The following PALM2AKAP2 variants were observed in gnomAD, a reference collection of about 807,000 sequenced individuals.
PALM2AKAP2 encodes the protein PALM2-AKAP2 fusion protein.
PALM2AKAP2 carries 37 observed loss-of-function variants against 71.5 expected under a neutral mutation model. The observed-to-expected ratio is 0.52, with a 90% CI of 0.40 to 0.68. The LOEUF (loss-of-function observed/expected upper bound fraction) is 0.68, where lower values mean the gene tolerates loss of function less well. Ranked by LOEUF, PALM2AKAP2 falls within the 30% of genes least tolerant of loss-of-function variation. PALM2AKAP2 has a pLI of 0.00. For synonymous variants in PALM2AKAP2, 468 were observed against 478.8 expected (o/e 0.98, Z 0.29); for missense variants, 1,224 against 1,191.8 (o/e 1.03, Z -0.40).
At chr9:109,851,310 A>G (rs1477669804) in intron 1 of PALM2AKAP2, among the ~76,000 whole-genome samples, 1 of 152,056 alleles carries the variant, frequency 6.6e-6, no homozygotes, top group Admixed American at 6.5e-5. Context: ...GTGCTTTTTG[A>G]TGATCCTCAG....
intron 1 of PALM2AKAP2, among the ~76,000 whole-genome samples, chr9:109,822,582 G>C (rs949825674): frequency 1.3e-5 from 2 of 152,002 alleles, no homozygotes; most frequent in Non-Finnish European, 2.9e-5. Flanking sequence ...TTTGTCCATG[G>C]TATACTCAGT....
intron 1 of PALM2AKAP2, among the ~76,000 whole-genome samples, chr9:110,084,019 C>T (rs569577715): frequency 1.2e-4 from 19 of 152,180 alleles, no homozygotes; most frequent in African/African-American, 1.9e-4. Context: ...CCCAGCTGAC[C>T]GCTGTGCTCC....
upstream of PALM2AKAP2, chr9:109,780,243 A>G (rs1013640440): frequency 6.3e-6 from 7 of 1,108,892 alleles, no homozygotes; most frequent in African/African-American, 1.2e-4. Context: ...GGCGACCGGG[A>G]GATGCAGTGA....
At chr9:109,711,067 G>C (rs965501608) in intron 1 of PALM2AKAP2, among the ~76,000 whole-genome samples, 6 of 152,050 alleles carry the variant, frequency 3.9e-5, no homozygotes, top group Admixed American at 3.9e-4. Flanking sequence ...GATCTCCATA[G>C]GAATTCAAGT....
At chr9:110,028,654 AT>A (rs1476565427) in intron 7 of PALM2AKAP2, among the ~76,000 whole-genome samples, 1 of 151,484 alleles carries the variant, frequency 6.6e-6, no homozygotes, top group Non-Finnish European at 1.5e-5. Context: ...GTGCAGGTTT[AT>A]TTTTTTTTAA....
rs1356214011 is a variant in PALM2AKAP2 at position 109,798,951 on chromosome 9, C to T, written c.45+18418C>T. Reference sequence around the variant, plus strand: ...TCTTTCCACTGCTCCAAGCCACCTGCCCTGCTGCCCTCCGTTTCCCCTCCA... The same window carrying T: ...TCTTTCCACTGCTCCAAGCCACCTGTCCTGCTGCCCTCCGTTTCCCCTCCA... On this transcript the variant is annotated intron_variant, in intron 1 of 9. Transcript: ENST00000302798. 2.6e-5 allele frequency among the ~76,000 whole-genome samples: 4 copies of T among 152,336 alleles called. No individual in the cohort carries two copies. The East Asian group carries it at 5.8e-4, about 22-fold the overall frequency.
At chr9:110,056,225 C>T (rs1023949779) in intron 1 of PALM2AKAP2, among the ~76,000 whole-genome samples, 9 of 152,200 alleles carry the variant, frequency 5.9e-5, no homozygotes, top group African/African-American at 2.2e-4. Flanking sequence ...GGTTAACTGA[C>T]CGTTTTCAGC....
At chr9:109,797,075 A>G (rs1827279800) in intron 1 of PALM2AKAP2, among the ~76,000 whole-genome samples, 1 of 152,098 alleles carries the variant, frequency 6.6e-6, no homozygotes, top group African/African-American at 2.4e-5. Flanking sequence ...CCCTGCTCTG[A>G]TGGTTTCCTC....
At chr9:109,971,668 C>T (rs980536282) in intron 6 of PALM2AKAP2, among the ~76,000 whole-genome samples, 13 of 152,172 alleles carry the variant, frequency 8.5e-5, no homozygotes, top group African/African-American at 2.7e-4. Flanking sequence ...TCAGGCAATC[C>T]GACTGCCTCA....
At chr9:109,710,553 C>T (rs1828217197) in intron 1 of PALM2AKAP2, among the ~76,000 whole-genome samples, 2 of 152,198 alleles carry the variant, frequency 1.3e-5, no homozygotes, top group Admixed American at 1.3e-4. Flanking sequence ...TTTTTTTCAC[C>T]TGCAAGACGG....
chr9:109,932,154 A>G, intron 6 of PALM2AKAP2, 126 bp downstream of exon 6: 1 of 1,074,672 alleles, frequency 9.3e-7, no homozygotes, highest in Non-Finnish European at 1.3e-6. Flanking sequence ...CCAGCCTCAG[A>G]TGCAGCCTTC....
At chr9:109,742,942 A>G (rs59098240) in intron 1 of PALM2AKAP2, among the ~76,000 whole-genome samples, 46,436 of 152,028 alleles carry the variant, frequency 0.31, 7,252 homozygotes, top group Middle Eastern at 0.4. Context: ...CCCAGGAGCC[A>G]CCTCCCTGAG....
At chr9:110,007,216 T>C (rs1407108757) in intron 6 of PALM2AKAP2, among the ~76,000 whole-genome samples, 1 of 152,216 alleles carries the variant, frequency 6.6e-6, no homozygotes, top group Non-Finnish European at 1.5e-5. Context: ...CATCAGGGCA[T>C]TGAGCCACTG....
At position 109,944,272 on chromosome 9, in the gene PALM2AKAP2, AT is replaced by A. The variant is rs566349070; in HGVS notation, c.496+12249del. On this transcript the variant is annotated intron_variant, in intron 6 of 9. Coordinates refer to the PALM2AKAP2 transcript ENST00000302798. ...TTTCTATTCTCTTAAAAAAATGTAA[AT>A]TTTTATATTGTTTCTTTTTTCTGGA... is the stretch of plus-strand genomic sequence containing the variant. The A allele has an allele frequency of 1.7e-3, 259 of 152,300 alleles. 2 individuals carry two copies. The highest frequency in any genetic ancestry group is 6.1e-3 in the African/African-American group (254 of 41,556). 9.4% of individuals were successfully genotyped at this position (152,300 alleles called of 1,614,324 possible). A position where few individuals can be genotyped will look rare whatever the true frequency, so the allele number is the denominator to read the frequency against.
At chr9:109,719,150 G>A (rs997419965) in intron 1 of PALM2AKAP2, among the ~76,000 whole-genome samples, 1 of 152,052 alleles carries the variant, frequency 6.6e-6, no homozygotes, top group African/African-American at 2.4e-5. Flanking sequence ...AGATATCGAG[G>A]AACAAAAACA....
intron 1 of PALM2AKAP2, among the ~76,000 whole-genome samples, chr9:109,662,575 T>G (rs1314644543): frequency 1.3e-5 from 2 of 152,212 alleles, no homozygotes; most frequent in Non-Finnish European, 2.9e-5. Flanking sequence ...TTGCCAGTAT[T>G]TTATTGAGGA....
At chr9:109,969,329 C>A (rs978319834) in intron 6 of PALM2AKAP2, among the ~76,000 whole-genome samples, 1 of 152,220 alleles carries the variant, frequency 6.6e-6, no homozygotes, top group African/African-American at 2.4e-5. Context: ...TCTCCTCTCG[C>A]CTGAAACAGT....
At chr9:109,844,668 C>T (rs7852438) in intron 1 of PALM2AKAP2, among the ~76,000 whole-genome samples, 2,145 of 152,274 alleles carry the variant, frequency 0.014, 51 homozygotes, top group African/African-American at 0.046. Context: ...TGAGTACACA[C>T]GTGCTCTCAC....
intron 7 of PALM2AKAP2, among the ~76,000 whole-genome samples, chr9:110,020,566 CCA>C (rs1374327562): frequency 6.6e-6 from 1 of 151,910 alleles, no homozygotes; most frequent in Non-Finnish European, 1.5e-5. Context: ...GCCTGTAATC[CCA>C]GTTACTTGGG....
Sources: allele counts gnomAD v4.1 joint callset (sites outside exome capture counted in the v4.1 genomes callset), GRCh38; gene constraint gnomAD v4.1.1; transcripts MANE v1.5; gene names NCBI Gene and HGNC (gene_info 2026-07-23, HGNC 2026-07-21).